The following LEPR variants were observed in gnomAD, a reference collection of about 807,000 sequenced individuals.
LEPR encodes the protein leptin receptor.
Under a neutral mutation model 114.7 loss-of-function variants are expected in LEPR, and 56 were observed. The observed-to-expected ratio is 0.49, with a 90% CI of 0.39 to 0.61. The LOEUF (loss-of-function observed/expected upper bound fraction) is 0.61, where lower values mean the gene tolerates loss of function less well. Among genes scored for constraint, LEPR ranks in the 20% least tolerant of loss-of-function variants. The pLI, the probability that LEPR is intolerant of heterozygous loss-of-function variation, is 0.00. For synonymous variants in LEPR, 443 were observed against 461.4 expected (o/e 0.96, Z 0.51); for missense variants, 1,202 against 1,352.9 (o/e 0.89, Z 1.75).
At chr1:65,527,334 T>C (rs563718970) in intron 2 of LEPR, among the ~76,000 whole-genome samples, 1 of 152,228 alleles carries the variant, frequency 6.6e-6, no homozygotes, top group African/African-American at 2.4e-5. Flanking sequence ...TCCCAGAAAA[T>C]AGCAGAGATT....
At chr1:65,584,258 C>A (rs549474549) in intron 5 of LEPR, among the ~76,000 whole-genome samples, 4 of 152,032 alleles carry the variant, frequency 2.6e-5, no homozygotes, top group Admixed American at 6.6e-5. Flanking sequence ...AAGGAGCCAT[C>A]GTTCCTTTTG....
chr1:65,608,454 T>C (rs1656965360), intron 11 of LEPR, among the ~76,000 whole-genome samples: 1 of 152,042 alleles, frequency 6.6e-6, no homozygotes, highest in African/African-American at 2.4e-5. Flanking sequence ...GATCGGCATG[T>C]TATCTTTTGC....
intron 2 of LEPR, among the ~76,000 whole-genome samples, chr1:65,426,083 G>A (rs1160578619): frequency 7.3e-6 from 1 of 136,802 alleles, no homozygotes; most frequent in Non-Finnish European, 1.5e-5. Flanking sequence ...AAGATGAAGA[G>A]CACAGAAGCT....
intron 2 of LEPR, among the ~76,000 whole-genome samples, chr1:65,534,281 A>G (rs1440361883): frequency 5.3e-5 from 8 of 152,148 alleles, no homozygotes; most frequent in South Asian, 2.1e-4. Context: ...TTCAGTAACT[A>G]CTGTGGAAGT....
chr1:65,520,293 GA>G (rs1240909614), intron 2 of LEPR, among the ~76,000 whole-genome samples: 2 of 152,176 alleles, frequency 1.3e-5, no homozygotes, highest in East Asian at 3.8e-4. Flanking sequence ...ACCATGCCTG[GA>G]CTTAACCGGT....
intron 2 of LEPR, among the ~76,000 whole-genome samples, chr1:65,551,503 G>A (rs1652354602): frequency 1.3e-5 from 2 of 152,114 alleles, no homozygotes; most frequent in South Asian, 4.1e-4. Flanking sequence ...GCATAGAGGT[G>A]TTTATAGTAT....
intron 2 of LEPR, among the ~76,000 whole-genome samples, chr1:65,455,816 C>T (rs1394959588): frequency 6.6e-6 from 1 of 152,200 alleles, no homozygotes; most frequent in Non-Finnish European, 1.5e-5. Flanking sequence ...CCACCCAGTT[C>T]GAGCTTCCTG....
At chr1:65,568,582 C>A (rs1250146436) in intron 3 of LEPR, among the ~76,000 whole-genome samples, 2 of 151,686 alleles carry the variant, frequency 1.3e-5, no homozygotes, top group Non-Finnish European at 2.9e-5. Context: ...CATTGAGGGA[C>A]ACTTAGGTTG....
intron 14 of LEPR, among the ~76,000 whole-genome samples, chr1:65,615,272 T>C (rs1190011615): frequency 1.3e-5 from 2 of 152,210 alleles, no homozygotes; most frequent in African/African-American, 4.8e-5. Flanking sequence ...ATTGCCAGCA[T>C]TTAATCTTAC....
intron 2 of LEPR, among the ~76,000 whole-genome samples, chr1:65,446,112 G>A (rs1646710927): frequency 6.6e-6 from 1 of 152,092 alleles, no homozygotes; most frequent in African/African-American, 2.4e-5. Flanking sequence ...TTTTCACTTG[G>A]GTAAATATGT....
intron 2 of LEPR, among the ~76,000 whole-genome samples, chr1:65,486,240 G>C (rs1647479555): frequency 6.6e-6 from 1 of 152,078 alleles, no homozygotes; most frequent in African/African-American, 2.4e-5. Context: ...AAAATTTGAA[G>C]GTAACAGTCA....
chr1:65,635,331 T>C, intron 19 of LEPR: 6 of 983,854 alleles, frequency 6.1e-6, no homozygotes, highest in Non-Finnish European at 7.2e-6. Context: ...GTTTACATTG[T>C]ATGAATTGAG....
intron 2 of LEPR, chr1:65,486,552 G>A (rs1647495765): frequency 6.6e-6 from 1 of 152,208 alleles, no homozygotes; most frequent in African/African-American, 2.4e-5. Context: ...TGCTCTAGTA[G>A]TGGTTGTAAC....
chr1:65,613,201 G>A (rs934273210), intron 14 of LEPR, among the ~76,000 whole-genome samples: 2 of 152,026 alleles, frequency 1.3e-5, no homozygotes, highest in Non-Finnish European at 2.9e-5. Context: ...ACTTTATTTT[G>A]TTGCTGAAAA....
intron 2 of LEPR, among the ~76,000 whole-genome samples, chr1:65,440,359 C>CT (rs538956174): frequency 0.1 from 14,249 of 142,510 alleles, 753 homozygotes; most frequent in African/African-American, 0.13. Flanking sequence ...ATGGTGCTTA[C>CT]TTTTTTTTTT....
chr1:65,496,448 G>A (rs1022472382), intron 2 of LEPR, among the ~76,000 whole-genome samples: 1 of 151,952 alleles, frequency 6.6e-6, no homozygotes, highest in Non-Finnish European at 1.5e-5. Context: ...GTGGTTGCAC[G>A]TGCCTGTAGT....
At chr1:65,516,473 C>CA (rs1229725013) in intron 2 of LEPR, among the ~76,000 whole-genome samples, 3 of 151,868 alleles carry the variant, frequency 2.0e-5, no homozygotes, top group East Asian at 1.9e-4. Flanking sequence ...CAAACCAAAC[C>CA]AAAAAAAACT....
intron 6 of LEPR, among the ~76,000 whole-genome samples, chr1:65,594,660 G>A (rs1017968977): frequency 1.3e-5 from 2 of 152,074 alleles, no homozygotes; most frequent in Non-Finnish European, 2.9e-5. Flanking sequence ...CGTTGAATAA[G>A]AGGTTGGACA....
intron 8 of LEPR, among the ~76,000 whole-genome samples, chr1:65,600,192 A>T (rs1570788421): frequency 6.6e-6 from 1 of 152,208 alleles, no homozygotes; most frequent in East Asian, 1.9e-4. Flanking sequence ...CGCATACTGA[A>T]GGTAGGTTAA....
Sources: allele counts gnomAD v4.1 joint callset (sites outside exome capture counted in the v4.1 genomes callset), GRCh38; gene constraint gnomAD v4.1.1; transcripts MANE v1.5; gene names NCBI Gene and HGNC (gene_info 2026-07-23, HGNC 2026-07-21).